The following FHIT variants were observed in gnomAD, a reference collection of about 807,000 sequenced individuals.
The protein encoded by FHIT is fragile histidine triad diadenosine triphosphatase, also known as bis(5'-adenosyl)-triphosphatase.
Under a neutral mutation model 17.9 loss-of-function variants are expected in FHIT, and 19 were observed. The observed-to-expected ratio is 1.06, with a 90% CI of 0.74 to 1.56. The LOEUF (loss-of-function observed/expected upper bound fraction) is 1.56. Among genes scored for constraint, FHIT ranks in the 40% most tolerant of loss-of-function variants. The pLI, the probability that FHIT is intolerant of heterozygous loss-of-function variation, is 0.00. For missense variants in FHIT, 248 were observed against 189.2 expected, an observed-to-expected ratio of 1.31 and a Z score of -1.82; for synonymous variants, 81 against 69.7, an observed-to-expected ratio of 1.16 and a Z score of -0.81.
chr3:60,860,623 A>G (rs1703715780), intron 3 of FHIT, among the ~76,000 whole-genome samples: 1 of 95,568 alleles, frequency 1.0e-5, no homozygotes, highest in Non-Finnish European at 2.2e-5. Context: ...ATGTACATAT[A>G]TATCAGGTAT....
intron 5 of FHIT, among the ~76,000 whole-genome samples, chr3:60,341,265 G>C (rs115452257): frequency 6.6e-6 from 1 of 152,066 alleles, no homozygotes; most frequent in Non-Finnish European, 1.5e-5. Context: ...AAGCCTCATC[G>C]TTGCATGTAT....
At chr3:61,173,185 AG>A (rs1353891879) in intron 2 of FHIT, among the ~76,000 whole-genome samples, 1 of 152,216 alleles carries the variant, frequency 6.6e-6, no homozygotes, top group Non-Finnish European at 1.5e-5. Flanking sequence ...GATGTAACCT[AG>A]AAGTTCATAA....
intron 3 of FHIT, among the ~76,000 whole-genome samples, chr3:60,833,469 C>G (rs1295115364): frequency 6.6e-6 from 1 of 152,202 alleles, no homozygotes; most frequent in Non-Finnish European, 1.5e-5. Flanking sequence ...CGTTTCTCTC[C>G]CCTTTTAAAT....
chr3:59,954,407 A>T lies in FHIT; in HGVS notation c.280-31993T>A, dbSNP rs557091775. Among the ~76,000 whole-genome samples the T allele has an allele frequency of 1.6e-4, 25 of 152,250 alleles. No individual in the cohort carries two copies. The South Asian group carries it at 5.0e-3, about 30-fold the overall frequency. ...CTCTGTGCTAGTGCTTCTTGTAGAG[A>T]CACAATGAAGAAAAAATCACGGTCC... is the stretch of plus-strand genomic sequence containing the variant. On this transcript the variant is annotated intron_variant, in intron 7 of 9. Coordinates refer to ENST00000492590, the MANE Select transcript of FHIT (RefSeq NM_002012.4).
intron 7 of FHIT, among the ~76,000 whole-genome samples, chr3:59,958,142 C>T (rs1707493730): frequency 6.6e-6 from 1 of 152,204 alleles, no homozygotes. Flanking sequence ...CCTTCTCTAG[C>T]TGGAACATGT....
At chr3:60,652,909 CAAACAAAACAAAACAAAACA>C (rs57749384) in intron 4 of FHIT, among the ~76,000 whole-genome samples, 129 of 139,258 alleles carry the variant, frequency 9.3e-4, no homozygotes, top group African/African-American at 3.0e-3. Flanking sequence ...AAGTTCATCT[CAAACAAAACAAAACAAAACA>C]AAACAAAACA....
At chr3:60,014,273 T>C in intron 5 of FHIT, 121 bp from the exon 6 acceptor site, 3 of 900,458 alleles carry the variant, frequency 3.3e-6, no homozygotes, top group East Asian at 5.2e-5. Context: ...GACTAAGGAA[T>C]GAAGAAACAG....
intron 4 of FHIT, among the ~76,000 whole-genome samples, chr3:60,632,114 T>C (rs1437171147): frequency 1.3e-5 from 2 of 152,078 alleles, no homozygotes; most frequent in African/African-American, 4.8e-5. Flanking sequence ...TTTTTTTTAA[T>C]TGCAACTACT....
chr3:60,964,356 A>G (rs1228565669), intron 3 of FHIT, among the ~76,000 whole-genome samples: 5 of 151,970 alleles, frequency 3.3e-5, no homozygotes, highest in Non-Finnish European at 5.9e-5. Context: ...TCCTGAATAC[A>G]GCACACTGAT....
intron 5 of FHIT, among the ~76,000 whole-genome samples, chr3:60,114,615 TC>T (rs1327719991): frequency 8.8e-5 from 13 of 147,510 alleles, no homozygotes; most frequent in South Asian, 8.8e-4. Context: ...CGCCTCAGCC[TC>T]CTGAGCAGCT....
At chr3:60,474,151 G>A (rs1488483953) in intron 5 of FHIT, among the ~76,000 whole-genome samples, 1 of 152,166 alleles carries the variant, frequency 6.6e-6, no homozygotes, top group East Asian at 1.9e-4. Flanking sequence ...TGAAGGAGAT[G>A]AAGCAGACAG....
intron 5 of FHIT, among the ~76,000 whole-genome samples, chr3:60,018,530 T>C (rs1700430718): frequency 6.6e-6 from 1 of 152,236 alleles, no homozygotes; most frequent in South Asian, 2.1e-4. Context: ...AGTGGCAACA[T>C]GAAGAAAGAA....
intron 5 of FHIT, among the ~76,000 whole-genome samples, chr3:60,531,970 G>T (rs1446216955): frequency 6.6e-6 from 1 of 152,180 alleles, no homozygotes; most frequent in Non-Finnish European, 1.5e-5. Flanking sequence ...CAGCAGAAAT[G>T]TTCTTAAAGT....
chr3:60,089,471 T>C (rs139349576), intron 5 of FHIT, among the ~76,000 whole-genome samples: 1 of 152,226 alleles, frequency 6.6e-6, no homozygotes, highest in African/African-American at 2.4e-5. Context: ...GCATATAGTA[T>C]GATGGATGGA....
chr3:60,571,343 A>T (rs1369819079), intron 4 of FHIT, among the ~76,000 whole-genome samples: 1 of 99,620 alleles, frequency 1.0e-5, no homozygotes, highest in Non-Finnish European at 2.1e-5. Flanking sequence ...CGCAAAAAAA[A>T]AAAAAAAAAA....
intron 5 of FHIT, among the ~76,000 whole-genome samples, chr3:60,131,054 CAT>C (rs762804235): frequency 0.041 from 3,023 of 74,212 alleles, 109 homozygotes; most frequent in South Asian, 0.054. Context: ...CACATATATA[CAT>C]ACATACACAT....
intron 2 of FHIT, among the ~76,000 whole-genome samples, chr3:61,110,655 G>T (rs2036131745): frequency 6.6e-6 from 1 of 152,100 alleles, no homozygotes; most frequent in Admixed American, 6.6e-5. Flanking sequence ...AGAGCAGGCT[G>T]ACCAACTCTT....
chr3:60,563,310 G>T (rs910108408), intron 4 of FHIT, among the ~76,000 whole-genome samples: 1 of 152,204 alleles, frequency 6.6e-6, no homozygotes, highest in Non-Finnish European at 1.5e-5. Flanking sequence ...GATGGTCAAA[G>T]AACCAGTCAG....
intron 4 of FHIT, among the ~76,000 whole-genome samples, chr3:60,748,068 T>C (rs1327842175): frequency 6.6e-6 from 1 of 152,074 alleles, no homozygotes; most frequent in Non-Finnish European, 1.5e-5. Context: ...GGGCCTTGAG[T>C]GTCATGCTGA....
Sources: gnomAD v4.1 joint callset for allele counts (sites outside exome capture counted in the v4.1 genomes callset) on GRCh38, gnomAD v4.1.1 for gene constraint, MANE v1.5 for transcripts, NCBI Gene and HGNC (gene_info 2026-07-23, HGNC 2026-07-21) for gene names.